Variants in ONECUT2 observed in about 807,000 individuals in gnomAD.
ONECUT2 encodes one cut domain family member 2.
In ONECUT2, 10 loss-of-function variants were observed where a neutral mutation model predicts 27.9. The ratio of observed to expected loss-of-function variants is 0.36; its 90% CI spans 0.22 to 0.61. The LOEUF is 0.61. Among genes scored for constraint, ONECUT2 ranks in the 20% least tolerant of loss-of-function variants. The pLI is 0.73. For missense variants in ONECUT2, 686 were observed against 721.0 expected, an observed-to-expected ratio of 0.95 and a Z score of 0.56; for synonymous variants, 334 against 315.1, an observed-to-expected ratio of 1.06 and a Z score of -0.64.
At chr18:57,461,017 A>G (rs967615609) in intron 1 of ONECUT2, among the ~76,000 whole-genome samples, 1 of 152,214 alleles carries the variant, frequency 6.6e-6, no homozygotes, top group Non-Finnish European at 1.5e-5. Context: ...GCAAGTAAAA[A>G]TAAGTTTTAG....
chr18:57,441,528 C>T (rs2050174034), intron 1 of ONECUT2, among the ~76,000 whole-genome samples: 1 of 152,276 alleles, frequency 6.6e-6, no homozygotes, highest in Non-Finnish European at 1.5e-5. Flanking sequence ...GACCTCTGCA[C>T]CACCCGCCCC....
chr18:57,463,022 G>A (rs879804208), intron 1 of ONECUT2, among the ~76,000 whole-genome samples: 69 of 152,044 alleles, frequency 4.5e-4, no homozygotes, highest in African/African-American at 9.9e-4. Context: ...ATAAGCCACT[G>A]TGCTCGGCCT....
chr18:57,467,214 G>T, intron 1 of ONECUT2: 1 of 456,340 alleles, frequency 2.2e-6, no homozygotes, highest in Non-Finnish European at 4.4e-6. Context: ...TCTGCCTCCA[G>T]CCGACAGTAA....
rs868262881 is a variant in ONECUT2, at chr18:57,435,726, G to T, written c.10G>T (p.Ala4Ser). The change falls in exon 1 of 2, where the codon GCC (alanine) becomes TCC (serine). Residue 4 changes from alanine (A) to serine (S), a missense_variant. Physicochemically the swap from Ala to Ser is moderately conservative, Grantham distance 99. Around this residue, in one of 4 missense-constraint regions of ONECUT2, gnomAD observed 511 missense variants for 488.1 expected, o/e 1.05. Coordinates refer to ENST00000491143, the MANE Select transcript of ONECUT2 (RefSeq NM_004852.3). ...GGCCCTGATGGACTGAATGAAGGCT[G>T]CCTACACCGCCTATCGATGCCTCAC... is the stretch of plus-strand genomic sequence containing the variant. MKA[A>S]YTAYRCLTKD... 1 of 1,255,336 alleles carries T rather than the reference G, an allele frequency of 8.0e-7. No individual in the cohort carries two copies. Among genetic ancestry groups the T allele is most frequent in the Non-Finnish European group, 1.0e-6 (1 of 966,014 alleles). The allele number at this position is 1,255,336 out of a possible 1,614,324, so 77.8% of individuals were successfully genotyped here.
intron 1 of ONECUT2, among the ~76,000 whole-genome samples, chr18:57,441,897 A>T (rs938581194): frequency 2.6e-5 from 4 of 152,210 alleles, no homozygotes; most frequent in Non-Finnish European, 5.9e-5. Context: ...CGGGTCTAAC[A>T]GGGAGAATCT....
At chr18:57,458,308 T>A (rs2050271479) in intron 1 of ONECUT2, among the ~76,000 whole-genome samples, 1 of 152,222 alleles carries the variant, frequency 6.6e-6, no homozygotes, top group South Asian at 2.1e-4. Flanking sequence ...TTCCCAGCAG[T>A]AACCACTCTT....
intron 1 of ONECUT2, 108 bp from the exon 2 acceptor site, chr18:57,476,329 T>C: frequency 8.4e-7 from 1 of 1,183,466 alleles, no homozygotes; most frequent in Non-Finnish European, 1.2e-6. Context: ...GTTTGCACAA[T>C]AAAGTTTAAC....
chr18:57,472,108 G>C (rs2122147728), intron 1 of ONECUT2, among the ~76,000 whole-genome samples: 1 of 152,348 alleles, frequency 6.6e-6, no homozygotes, highest in Admixed American at 6.5e-5. Flanking sequence ...GCATGTGACT[G>C]TGTCAAGACT....
intron 1 of ONECUT2, among the ~76,000 whole-genome samples, chr18:57,461,725 C>T (rs1043056510): frequency 2.0e-5 from 3 of 152,228 alleles, no homozygotes; most frequent in South Asian, 2.1e-4. Context: ...TATCTGGCAG[C>T]TCCAATTATT....
chr18:57,455,508 A>G (rs1316769669), intron 1 of ONECUT2, among the ~76,000 whole-genome samples: 1 of 152,208 alleles, frequency 6.6e-6, no homozygotes, highest in Non-Finnish European at 1.5e-5. Context: ...CACTAATTAG[A>G]GTGGCTTCCA....
chr18:57,463,883 C>T (rs954596429), intron 1 of ONECUT2, among the ~76,000 whole-genome samples: 1 of 151,686 alleles, frequency 6.6e-6, no homozygotes, highest in African/African-American at 2.4e-5. Context: ...TACACACAAT[C>T]AATATTGATT....
Position 57,436,615 on chromosome 18 carries a change from A to G in ONECUT2, c.899A>G (p.His300Arg). Reference protein sequence around the residue: ...SHLNGLHHPGHTQSHGPVLAP... With the variant: ...SHLNGLHHPGRTQSHGPVLAP... ...CTGAACGGCCTGCACCACCCGGGCC[A>G]CACTCAGTCTCACGGGCCGGTGCTG... The change falls in exon 1 of 2, where the codon CAC (histidine) becomes CGC (arginine). Residue 300 changes from histidine to arginine, a missense_variant. His to Arg is a conservative substitution (Grantham distance 29). Around this residue, in one of 4 missense-constraint regions of ONECUT2, gnomAD observed 511 missense variants for 488.1 expected, o/e 1.05. Coordinates refer to ENST00000491143, the MANE Select transcript of ONECUT2 (RefSeq NM_004852.3). The surrounding 1 kb of genome is among the most constrained non-coding windows in gnomAD (Gnocchi z 5.9). 8 of 1,611,118 alleles carry G rather than the reference A, an allele frequency of 5.0e-6. No individual in the cohort carries two copies. Among genetic ancestry groups the G allele is most frequent in the Non-Finnish European group, 5.9e-6 (7 of 1,179,864 alleles).
intron 1 of ONECUT2, among the ~76,000 whole-genome samples, chr18:57,458,820 G>C (rs1034814828): frequency 6.6e-6 from 1 of 151,976 alleles, no homozygotes; most frequent in Non-Finnish European, 1.5e-5. Flanking sequence ...TTCGAAATTG[G>C]CTCCCCATCA....
At chr18:57,438,546 G>A (rs1467280939) in intron 1 of ONECUT2, among the ~76,000 whole-genome samples, 1 of 152,234 alleles carries the variant, frequency 6.6e-6, no homozygotes, top group Non-Finnish European at 1.5e-5. Flanking sequence ...GAATGTGACA[G>A]GCAGCAGGTT....
At position 57,484,319 on chromosome 18, in the gene ONECUT2, A is replaced by T. The variant is rs940429802; in HGVS notation, c.*7596A>T. The T allele has an allele frequency of 1.3e-5, 2 of 152,734 alleles. No homozygotes were observed. The highest frequency in any genetic ancestry group is 1.9e-4 in the East Asian group (1 of 5,186). 9.5% of individuals were successfully genotyped at this position (152,734 alleles called of 1,614,324 possible). Reference sequence around the variant, plus strand: ...GTTGATGACACCAAAGATACCAAAGATTTCTTTCTCTGTGCGGTCTGCATT... The same window carrying T: ...GTTGATGACACCAAAGATACCAAAGTTTTCTTTCTCTGTGCGGTCTGCATT... On this transcript the variant is annotated 3_prime_UTR_variant, in exon 2 of 2. Coordinates refer to ENST00000491143, the MANE Select transcript of ONECUT2 (RefSeq NM_004852.3).
Position 57,436,956 on chromosome 18 carries a change from G to C in ONECUT2, c.1228+12G>C. The C allele has an allele frequency of 6.4e-7, 1 of 1,570,858 alleles. No individual in the cohort carries two copies. The highest frequency in any genetic ancestry group is 1.4e-5 in the African/African-American group (1 of 73,804). ...CTTACGCCTGGCAGGTAAGGCCGGGGCTAGCCAGGGGCCAGGCTGCTGGGA... is the reference window on the plus strand; with the variant it reads ...CTTACGCCTGGCAGGTAAGGCCGGGCCTAGCCAGGGGCCAGGCTGCTGGGA... On this transcript the variant is annotated intron_variant, in intron 1 of 1. Transcript: ENST00000491143. The surrounding 1 kb of genome is among the most constrained non-coding windows in gnomAD (Gnocchi z 5.9).
intron 1 of ONECUT2, among the ~76,000 whole-genome samples, chr18:57,470,794 C>T (rs956607496): frequency 1.3e-5 from 2 of 152,088 alleles, no homozygotes; most frequent in Non-Finnish European, 2.9e-5. Context: ...CAACCACACA[C>T]ACACACACAC....
At chr18:57,457,943 CG>C (rs2050269209) in intron 1 of ONECUT2, among the ~76,000 whole-genome samples, 3 of 150,740 alleles carry the variant, frequency 2.0e-5, no homozygotes, top group Admixed American at 6.6e-5. Context: ...GGACACAGGG[CG>C]GGGAACATCA....
At chr18:57,467,861 A>AG (rs1376899864) in intron 1 of ONECUT2, among the ~76,000 whole-genome samples, 2 of 152,104 alleles carry the variant, frequency 1.3e-5, no homozygotes. Context: ...CTCCAGAATG[A>AG]GGGGAGTGTG....
Sources: allele counts gnomAD v4.1 joint callset (sites outside exome capture counted in the v4.1 genomes callset), GRCh38; gene constraint gnomAD v4.1.1; regional missense constraint gnomAD v4.1.1; non-coding constraint Gnocchi (gnomAD v3.1); transcripts MANE v1.5; gene names NCBI Gene and HGNC (gene_info 2026-07-23, HGNC 2026-07-21).